The following PSMG4 variants were observed in gnomAD, a reference collection of about 807,000 sequenced individuals.
PSMG4 encodes proteasome (prosome, macropain) assembly chaperone 4.
In PSMG4, 10 loss-of-function variants were observed where a neutral mutation model predicts 11.0. The observed-to-expected ratio is 0.91, with a 90% CI of 0.56 to 1.54. The LOEUF is 1.54. Ranked by LOEUF, PSMG4 falls within the 40% of genes most tolerant of loss-of-function variation. The pLI is 0.00. For synonymous variants in PSMG4, 95 were observed against 71.3 expected (o/e 1.33, Z -1.68); for missense variants, 198 against 160.9 (o/e 1.23, Z -1.25).
chr6:3,267,278 C>A, intron 2 of PSMG4: 1 of 240,076 alleles, frequency 4.2e-6, no homozygotes. Flanking sequence ...GACAGCTGGC[C>A]CCAAATCCTG....
chr6:3,254,918 C>A, upstream of PSMG4: 2 of 972,192 alleles, frequency 2.1e-6, no homozygotes, highest in East Asian at 2.6e-5. Context: ...TGAGCTGGTG[C>A]TTCAGCCATT....
upstream of PSMG4, among the ~76,000 whole-genome samples, chr6:3,256,781 C>T (rs889513189): frequency 9.9e-5 from 15 of 152,232 alleles, no homozygotes; most frequent in African/African-American, 3.1e-4. Flanking sequence ...ACTGGCCTGG[C>T]TTTCATAGTC....
At chr6:3,267,455 C>T in intron 2 of PSMG4, 136 bp from the exon 3 acceptor site, 2 of 937,044 alleles carry the variant, frequency 2.1e-6, no homozygotes, top group Non-Finnish European at 3.1e-6. Context: ...TGAAGAGAGG[C>T]ATGGAGATTA....
upstream of PSMG4, among the ~76,000 whole-genome samples, chr6:3,254,791 T>C (rs1416743701): frequency 6.6e-6 from 1 of 151,982 alleles, no homozygotes; most frequent in East Asian, 1.9e-4. Context: ...GCTGAATGCT[T>C]GGGGTCAGAG....
At chr6:3,265,146 TCAA>T (rs1758134557) in intron 2 of PSMG4, 2 of 152,154 alleles carry the variant, frequency 1.3e-5, no homozygotes, top group Non-Finnish European at 2.9e-5. Context: ...CTCGACTGTC[TCAA>T]CAAGTCACGG....
chr6:3,254,586 A>AT (rs1308945152), upstream of PSMG4, among the ~76,000 whole-genome samples: 1 of 152,154 alleles, frequency 6.6e-6, no homozygotes, highest in African/African-American at 2.4e-5. Flanking sequence ...GAACCCAACG[A>AT]TGGAAGTAAA....
At chr6:3,256,735 C>G (rs1463781804), upstream of PSMG4, among the ~76,000 whole-genome samples, 1 of 152,230 alleles carries the variant, frequency 6.6e-6, no homozygotes, top group Non-Finnish European at 1.5e-5. Context: ...GCCAAAATGG[C>G]CCATCAGAGT....
upstream of PSMG4, among the ~76,000 whole-genome samples, chr6:3,257,480 C>A (rs182460859): frequency 6.6e-6 from 1 of 152,138 alleles, no homozygotes; most frequent in African/African-American, 2.4e-5. Flanking sequence ...ATCTTTGGGT[C>A]CTCCTAGCTG....
chr6:3,265,117 A>G (rs1018008108), intron 2 of PSMG4: 3 of 152,150 alleles, frequency 2.0e-5, no homozygotes, highest in Non-Finnish European at 2.9e-5. Flanking sequence ...TATATGCAAA[A>G]AAGAGGGGTT....
chr6:3,264,521 T>TG, intron 2 of PSMG4: 1 of 1,063,252 alleles, frequency 9.4e-7, no homozygotes, highest in Non-Finnish European at 1.3e-6. Flanking sequence ...CTGAGGCAAA[T>TG]GCACACGAAT....
chr6:3,264,671 T>C (rs1237183916), intron 2 of PSMG4: 1 of 194,782 alleles, frequency 5.1e-6, no homozygotes, highest in African/African-American at 2.3e-5. Context: ...TTTCCCTCCC[T>C]TGGAGGTGGG....
intron 1 of PSMG4, among the ~76,000 whole-genome samples, chr6:3,259,943 A>G (rs1757914635): frequency 6.6e-6 from 1 of 152,188 alleles, no homozygotes; most frequent in African/African-American, 2.4e-5. Context: ...ACAGAGGTTT[A>G]TTCTCAAAGA....
chr6:3,260,942 C>T (rs1008108823), intron 1 of PSMG4, among the ~76,000 whole-genome samples: 27 of 152,180 alleles, frequency 1.8e-4, no homozygotes, highest in African/African-American at 6.5e-4. Flanking sequence ...GCCTCCCAGC[C>T]GCATTAGCTC....
upstream of PSMG4, among the ~76,000 whole-genome samples, chr6:3,257,629 A>C (rs371311556): frequency 6.6e-6 from 1 of 152,348 alleles, no homozygotes; most frequent in Admixed American, 6.5e-5. Flanking sequence ...GATGAAGGAA[A>C]GAAGCTGGAC....
At chr6:3,255,026 T>G, upstream of PSMG4, 1 of 1,549,068 alleles carries the variant, frequency 6.5e-7, no homozygotes, top group Non-Finnish European at 8.7e-7. Flanking sequence ...GCTGGGATAA[T>G]GGCGCTTTCT....
chr6:3,267,469 C>T, intron 2 of PSMG4, 122 bp from the exon 3 acceptor site: 2 of 1,138,564 alleles, frequency 1.8e-6, no homozygotes, highest in Non-Finnish European at 2.4e-6. Context: ...GAGATTAGAG[C>T]TTTCTTTTCT....
At chr6:3,258,687 C>T (rs1267355253), upstream of PSMG4, among the ~76,000 whole-genome samples, 2 of 152,068 alleles carry the variant, frequency 1.3e-5, no homozygotes, top group African/African-American at 4.8e-5. Context: ...AGGGTGAGTT[C>T]TGCTGGGCGC....
chr6:3,263,606 C>T, intron 1 of PSMG4, 78 bp from the exon 2 acceptor site: 1 of 1,260,976 alleles, frequency 7.9e-7, no homozygotes, highest in Non-Finnish European at 1.1e-6. Context: ...CGTGAAGAAT[C>T]AGAAGCCCGG....
intron 1 of PSMG4, among the ~76,000 whole-genome samples, chr6:3,260,277 G>GTA (rs70998384): frequency 4.5e-5 from 5 of 111,532 alleles, no homozygotes; most frequent in African/African-American, 1.8e-4. Flanking sequence ...GTCTTAAATT[G>GTA]TATATATATA....
Sources: allele counts gnomAD v4.1 joint callset (sites outside exome capture counted in the v4.1 genomes callset), GRCh38; gene constraint gnomAD v4.1.1; transcripts MANE v1.5; gene names NCBI Gene and HGNC (gene_info 2026-07-23, HGNC 2026-07-21).